POLR2F: variants seen among roughly 807,000 people sequenced by gnomAD.
POLR2F encodes RNA polymerase II, I and III subunit F, also known as DNA-directed RNA polymerases I, II, and III subunit RPABC2.
POLR2F carries 12 observed loss-of-function variants against 22.7 expected under a neutral mutation model. That is an observed-to-expected ratio of 0.53 (90% CI 0.34 to 0.86). The LOEUF is 0.86. Ranked by LOEUF, POLR2F falls within the 40% of genes least tolerant of loss-of-function variation. The pLI is 0.02. For synonymous variants in POLR2F, 57 were observed against 66.0 expected, an observed-to-expected ratio of 0.86 and a Z score of 0.66; for missense variants, 126 against 171.5, an observed-to-expected ratio of 0.73 and a Z score of 1.48.
chr22:37,967,551 A>G, intron 4 of POLR2F, 74 bp from the exon 5 acceptor site: 1 of 1,581,886 alleles, frequency 6.3e-7, no homozygotes, highest in East Asian at 2.2e-5. Context: ...TGTGTTTTGC[A>G]CACAATCTGT....
chr22:38,006,100 T>C (rs1269532994), intron 1 of POLR2F, among the ~76,000 whole-genome samples: 1 of 152,136 alleles, frequency 6.6e-6, no homozygotes, highest in Non-Finnish European at 1.5e-5. Flanking sequence ...CCATGCCTGT[T>C]GTCCTAGCTA....
In POLR2F at chr22:37,978,272, G is replaced by A. The variant is rs536605136; in HGVS notation, c.293+11102G>A. ...ATGGGGCACCCAGAGGACAGGACCC[G>A]GGGTGGGGGCTGTGCCCTATGATTT... On this transcript the variant is annotated intron_variant, in intron 4 of 4. Coordinates refer to the POLR2F transcript ENST00000405557. This position sits in a 1 kb window ranked among gnomAD's most constrained non-coding sequence, Gnocchi z 5.0. 2,498 of 913,448 alleles carry A rather than the reference G, an allele frequency of 2.7e-3. 9 individuals are homozygous for A. Among genetic ancestry groups the A allele is most frequent in the Middle Eastern group, 4.8e-3 (14 of 2,896 alleles). The allele number at this position is 913,448 out of a possible 1,614,324, so 56.6% of individuals were successfully genotyped here. A position where few individuals can be genotyped will look rare whatever the true frequency, so the allele number is the denominator to read the frequency against.
At chr22:38,039,923 G>C (rs1210433014) in intron 5 of POLR2F, among the ~76,000 whole-genome samples, 1 of 152,168 alleles carries the variant, frequency 6.6e-6, no homozygotes. Flanking sequence ...AGGCTTCCTG[G>C]AGGAGGTGAC....
chr22:37,972,157 G>C (rs1400668298), downstream of POLR2F: 1 of 639,742 alleles, frequency 1.6e-6, no homozygotes, highest in Non-Finnish European at 2.5e-6. Flanking sequence ...GGGAGGGGAA[G>C]GGGGTGGGGA....
intron 1 of POLR2F, chr22:38,025,843 C>A (rs753744669): frequency 3.2e-6 from 4 of 1,246,016 alleles, no homozygotes; most frequent in Admixed American, 1.7e-5. Flanking sequence ...ATGAAACTCA[C>A]TTCACCAAGT....
intron 5 of POLR2F, chr22:38,033,168 A>C (rs77987465): frequency 6.5e-6 from 1 of 154,992 alleles, no homozygotes; most frequent in Non-Finnish European, 1.5e-5. Context: ...TAAAAAAAAA[A>C]GAAAGAAAAA....
Position 37,978,279 on chromosome 22 carries a change from G to A in POLR2F, c.293+11109G>A. ...ACCCAGAGGACAGGACCCGGGGTGGGGGCTGTGCCCTATGATTTGTGGACT... is the reference window on the plus strand; with the variant it reads ...ACCCAGAGGACAGGACCCGGGGTGGAGGCTGTGCCCTATGATTTGTGGACT... On this transcript the variant is annotated intron_variant, in intron 4 of 4. Transcript: ENST00000405557. This position sits in a 1 kb window ranked among gnomAD's most constrained non-coding sequence, Gnocchi z 5.0. 1.2e-6 allele frequency: 1 copy of A among 854,614 alleles called. No homozygotes were observed. The highest frequency in any genetic ancestry group is 1.7e-6 in the Non-Finnish European group (1 of 573,990). The allele number at this position is 854,614 out of a possible 1,614,324, so 52.9% of individuals were successfully genotyped here.
downstream of POLR2F, among the ~76,000 whole-genome samples, chr22:38,028,567 C>T (rs559973768): frequency 9.9e-5 from 15 of 151,912 alleles, no homozygotes; most frequent in East Asian, 3.9e-4. Context: ...TGTGTGCATA[C>T]GTGTGTGCAT....
Position 38,016,696 on chromosome 22 carries a change from C to T in POLR2F, c.121-9173C>T, listed in dbSNP as rs948947449. Among the ~76,000 whole-genome samples the T allele has an allele frequency of 7.2e-5, 11 of 151,862 alleles. No homozygotes were observed. Among genetic ancestry groups the T allele is most frequent in the Non-Finnish European group, 1.6e-4 (11 of 67,878 alleles). On this transcript the variant is annotated intron_variant, in intron 1 of 2. Coordinates refer to the POLR2F transcript ENST00000333418. This position sits in a 1 kb window ranked among gnomAD's most constrained non-coding sequence, Gnocchi z 4.4. ...AGGGCTCCTTTGGCAGCGGTTCCAGCCCTGGGCGGGTGGAAAGAGTGCTGG... is the reference window on the plus strand; with the variant it reads ...AGGGCTCCTTTGGCAGCGGTTCCAGTCCTGGGCGGGTGGAAAGAGTGCTGG...
At chr22:37,957,115 CAT>C (rs894056229) in intron 2 of POLR2F, among the ~76,000 whole-genome samples, 16 of 152,152 alleles carry the variant, frequency 1.1e-4, no homozygotes, top group African/African-American at 1.4e-4. Flanking sequence ...ATTTGGCAAA[CAT>C]GTGTTGAATG....
chr22:37,986,159 G>A (rs1430309688), upstream of POLR2F: 7 of 1,533,896 alleles, frequency 4.6e-6, no homozygotes, highest in East Asian at 2.4e-5. The surrounding 1 kb of genome is among the most constrained non-coding windows in gnomAD (Gnocchi z 4.7). Context: ...AACAGCGCCC[G>A]CTCGGCCTCA....
At chr22:37,966,961 C>T (rs1056195148) in intron 3 of POLR2F, 138 bp from the exon 4 acceptor site, 11 of 630,470 alleles carry the variant, frequency 1.7e-5, no homozygotes, top group African/African-American at 1.7e-4. Context: ...TGCCCCTACA[C>T]ACCACTCCCT....
Position 37,953,715 on chromosome 22 carries a change from G to A in POLR2F, c.-73G>A. Reference sequence around the variant, plus strand: ...GCGCAAGATAAGCTAGGAGCCGCGCGAGTCGTAGTGTCGCTGTTTGCGGGT... The same window carrying A: ...GCGCAAGATAAGCTAGGAGCCGCGCAAGTCGTAGTGTCGCTGTTTGCGGGT... On this transcript the variant is annotated 5_prime_UTR_variant, in exon 1 of 5. Coordinates refer to ENST00000442738, the MANE Select transcript of POLR2F (RefSeq NM_021974.5). 6.4e-7 allele frequency: 1 copy of A among 1,555,106 alleles called. No individual in the cohort carries two copies. Among genetic ancestry groups the A allele is most frequent in the Non-Finnish European group, 8.7e-7 (1 of 1,149,272 alleles).
At chr22:38,023,839 A>ATTTT (rs56162997) in intron 1 of POLR2F, among the ~76,000 whole-genome samples, 2 of 115,400 alleles carry the variant, frequency 1.7e-5, no homozygotes, top group Non-Finnish European at 1.7e-5. Context: ...CGCCTGGCTA[A>ATTTT]TTTTTTTTTT....
rs1315181602 is a variant in POLR2F, at chr22:37,968,359, C to T, written c.*644C>T. 6.1e-6 allele frequency: 6 copies of T among 985,854 alleles called. No individual in the cohort carries two copies. Among genetic ancestry groups the T allele is most frequent in the Non-Finnish European group, 7.2e-6 (6 of 830,198 alleles). 61.1% of individuals were successfully genotyped at this position (985,854 alleles called of 1,614,324 possible). ...GCTCTGTCCCCACTCCTCCTCAGGACTCTGCCCACACGCTGTCCTCTGTGG... is the reference window on the plus strand; with the variant it reads ...GCTCTGTCCCCACTCCTCCTCAGGATTCTGCCCACACGCTGTCCTCTGTGG... On this transcript the variant is annotated 3_prime_UTR_variant, in exon 5 of 5. Coordinates refer to ENST00000442738, the MANE Select transcript of POLR2F (RefSeq NM_021974.5).
In POLR2F at chr22:37,980,704, C is replaced by T. The variant is rs559873604; in HGVS notation, c.293+13534C>T. Among the ~76,000 whole-genome samples, 1 of 152,358 alleles carries T rather than the reference C, an allele frequency of 6.6e-6. No individual in the cohort carries two copies. The highest frequency in any genetic ancestry group is 6.5e-5 in the Admixed American group (1 of 15,304). ...CTCCAAACCCAGTCCTCATCTGCAC[C>T]TTCCTGTCAGCCCTCTTTCTCCCTG... On this transcript the variant is annotated intron_variant, in intron 4 of 4. Transcript: ENST00000405557. The surrounding 1 kb of genome is among the most constrained non-coding windows in gnomAD (Gnocchi z 4.1).
intron 1 of POLR2F, among the ~76,000 whole-genome samples, chr22:38,014,245 A>G: frequency 6.6e-6 from 1 of 151,914 alleles, no homozygotes; most frequent in East Asian, 1.9e-4. Context: ...TTCTATATAG[A>G]TGATTATGTT....
At chr22:37,967,350 G>C in intron 4 of POLR2F, 180 bp downstream of exon 4, 10 of 1,467,614 alleles carry the variant, frequency 6.8e-6, no homozygotes, top group Non-Finnish European at 9.0e-6. Flanking sequence ...GGGAAAGTGG[G>C]AGGGCACTGA....
At chr22:37,985,981 T>G (rs1932560840), upstream of POLR2F, 45 of 1,050,424 alleles carry the variant, frequency 4.3e-5, no homozygotes, top group African/African-American at 4.9e-5. Context: ...CTCCCCCCAG[T>G]TTTCCTCGAC....
Sources: allele counts gnomAD v4.1 joint callset (sites outside exome capture counted in the v4.1 genomes callset), GRCh38; gene constraint gnomAD v4.1.1; non-coding constraint Gnocchi (gnomAD v3.1); transcripts MANE v1.5; gene names NCBI Gene and HGNC (gene_info 2026-07-23, HGNC 2026-07-21).